The following ARSB variants were observed in gnomAD, a reference collection of about 807,000 sequenced individuals.
ARSB encodes the protein N-acetylgalactosamine-4-sulfatase.
Under a neutral mutation model 50.9 loss-of-function variants are expected in ARSB, and 41 were observed. The ratio of observed to expected loss-of-function variants is 0.81; its 90% confidence interval spans 0.63 to 1.04. ARSB has a LOEUF of 1.04. Among genes scored for constraint, ARSB ranks in the 50% least tolerant of loss-of-function variants. The pLI is 0.00. For missense variants in ARSB, 672 were observed against 693.3 expected (o/e 0.97, Z 0.35); for synonymous variants, 269 against 284.8 (o/e 0.94, Z 0.56).
chr5:78,975,009 G>C lies in ARSB; in HGVS notation c.313-5817C>G, dbSNP rs1036663976. On this transcript the variant is annotated intron_variant, in intron 1 of 7. Coordinates refer to ENST00000264914, the MANE Select transcript of ARSB (RefSeq NM_000046.5). ...TGGTCTCAAGGCTACATGGTCCTCT[G>C]ACAGCTCCCTCCTCCTGTGCCTTTG... is the stretch of plus-strand genomic sequence containing the variant. Among the ~76,000 whole-genome samples, 6 of 152,354 alleles carry C rather than the reference G, an allele frequency of 3.9e-5. No individual in the cohort carries two copies. The East Asian group carries it at 9.6e-4, about 24-fold the overall frequency.
chr5:78,858,025 C>CT (rs989265855), intron 5 of ARSB, among the ~76,000 whole-genome samples: 25 of 152,132 alleles, frequency 1.6e-4, no homozygotes, highest in African/African-American at 5.8e-4. Flanking sequence ...GGTTAAGTGA[C>CT]TTACACAATC....
intron 1 of ARSB, among the ~76,000 whole-genome samples, chr5:78,976,171 G>A (rs1464376757): frequency 6.6e-6 from 1 of 151,928 alleles, no homozygotes; most frequent in Non-Finnish European, 1.5e-5. Flanking sequence ...GAAGGAGGGT[G>A]GGGAGACAGG....
chr5:78,781,354 G>A (rs1421850278), intron 7 of ARSB, among the ~76,000 whole-genome samples: 3 of 59,336 alleles, frequency 5.1e-5, no homozygotes, highest in Non-Finnish European at 8.3e-5. Context: ...TTTTTGGTTA[G>A]GACGAGTAGG....
Position 78,780,040 on chromosome 5 carries a change from C to T in ARSB, c.*357G>A, listed in dbSNP as rs981897789. 9 of 308,124 alleles carry T rather than the reference C, an allele frequency of 2.9e-5. No individual in the cohort carries two copies. The highest frequency in any genetic ancestry group is 4.4e-5 in the Non-Finnish European group (7 of 159,592). The allele number at this position is 308,124 out of a possible 1,614,324, so 19.1% of individuals were successfully genotyped here. On this transcript the variant is annotated 3_prime_UTR_variant, in exon 8 of 8. Transcript: ENST00000264914. ...TCACTCCAATAAAACTGGCTATTGG[C>T]AGAGGGGAATCGAACGTCTGACTTG...
chr5:78,851,741 C>T (rs1745799814), intron 5 of ARSB, among the ~76,000 whole-genome samples: 1 of 152,196 alleles, frequency 6.6e-6, no homozygotes, highest in Non-Finnish European at 1.5e-5. Flanking sequence ...CATCTGGGTG[C>T]TCCTGTATTG....
intron 4 of ARSB, among the ~76,000 whole-genome samples, chr5:78,938,455 C>T (rs77568003): frequency 0.048 from 7,377 of 152,216 alleles, 264 homozygotes; most frequent in East Asian, 0.14. Flanking sequence ...ATGATAGACG[C>T]GCCAAATAAA....
rs1412644966 is a variant in ARSB at position 78,945,317 on chromosome 5, T to A, written c.898+9978A>T. 2.0e-5 allele frequency among the ~76,000 whole-genome samples: 3 copies of A among 152,170 alleles called. No homozygotes were observed. The East Asian group carries it at 5.8e-4, about 29-fold the overall frequency. Reference sequence around the variant, plus strand: ...CACTGTCCAACAATCCCCAGTGAGATGAACCCAGTACCTCAGTTGGAAATG... The same window carrying A: ...CACTGTCCAACAATCCCCAGTGAGAAGAACCCAGTACCTCAGTTGGAAATG... On this transcript the variant is annotated intron_variant, in intron 4 of 7. Transcript: ENST00000264914.
At chr5:78,837,885 C>G (rs988855775) in intron 6 of ARSB, among the ~76,000 whole-genome samples, 4 of 152,190 alleles carry the variant, frequency 2.6e-5, no homozygotes, top group Admixed American at 6.5e-5. Flanking sequence ...CCTTGCCTCT[C>G]TCACTGACAT....
chr5:78,786,428 T>C (rs1191886591), intron 6 of ARSB, among the ~76,000 whole-genome samples: 2 of 152,238 alleles, frequency 1.3e-5, no homozygotes, highest in Non-Finnish European at 2.9e-5. Flanking sequence ...CACTTCTTTG[T>C]TTATACTTTT....
At chr5:78,971,949 T>C (rs969377010) in intron 1 of ARSB, among the ~76,000 whole-genome samples, 1 of 152,258 alleles carries the variant, frequency 6.6e-6, no homozygotes, top group African/African-American at 2.4e-5. Context: ...GAGATTGTTA[T>C]GCCTCTCCTA....
At chr5:78,948,396 C>T (rs975082561) in intron 4 of ARSB, among the ~76,000 whole-genome samples, 2 of 152,058 alleles carry the variant, frequency 1.3e-5, no homozygotes, top group Non-Finnish European at 2.9e-5. Flanking sequence ...ATCAAAATAT[C>T]TCATGTACTC....
chr5:78,980,725 A>AGTGTGTGTGTGTGTGTGTGTGT (rs1315709564), intron 1 of ARSB, among the ~76,000 whole-genome samples: 28 of 91,984 alleles, frequency 3.0e-4, no homozygotes, highest in African/African-American at 8.1e-4. Context: ...TGTCTAAGGA[A>AGTGTGTGTGTGTGTGTGTGTGT]GTGTGTGTAT....
intron 4 of ARSB, among the ~76,000 whole-genome samples, chr5:78,910,323 A>G (rs1749252331): frequency 6.6e-6 from 1 of 152,188 alleles, no homozygotes; most frequent in Non-Finnish European, 1.5e-5. Flanking sequence ...GTCCCACCCG[A>G]TGAGAAATAC....
rs577053199 is a variant in ARSB at position 78,797,041 on chromosome 5, C to T, written c.1214-15067G>A. 2.4e-4 allele frequency among the ~76,000 whole-genome samples: 36 copies of T among 152,102 alleles called. 1 individual carries two copies. The highest frequency in any genetic ancestry group is 5.1e-4 in the Non-Finnish European group (35 of 67,980). ...TACAGGCGCCCGCCACTATGCCTGG[C>T]TAATTTTTTGTATTTTTTAGTAGAG... On this transcript the variant is annotated intron_variant, in intron 6 of 7. Coordinates refer to ENST00000264914, the MANE Select transcript of ARSB (RefSeq NM_000046.5).
rs141294748 is a variant in ARSB at position 78,860,195 on chromosome 5, G to A, written c.1143-20769C>T. Among the ~76,000 whole-genome samples, 181 of 152,162 alleles carry A rather than the reference G, an allele frequency of 1.2e-3. 2 individuals carry two copies. The highest frequency in any genetic ancestry group is 4.1e-3 in the African/African-American group (169 of 41,528). Reference sequence around the variant, plus strand: ...GATATCTTTGTTAACTTTCTGTCTCGTTGATCTGTCTAATGTTGACAGTGG... The same window carrying A: ...GATATCTTTGTTAACTTTCTGTCTCATTGATCTGTCTAATGTTGACAGTGG... On this transcript the variant is annotated intron_variant, in intron 5 of 7. Coordinates refer to ENST00000264914, the MANE Select transcript of ARSB (RefSeq NM_000046.5).
In ARSB at chr5:78,780,612, G is replaced by A; in HGVS notation, c.1387C>T (p.Pro463Ser). The change falls in exon 8 of 8, where the codon CCC becomes TCC. Residue 463 changes from proline to serine, a missense_variant. Transcript: ENST00000264914. ...PPSQYNVSEIPSSDPPTKTLW... is the reference protein window; with the variant it reads ...PPSQYNVSEISSSDPPTKTLW... Reference sequence around the variant, plus strand: ...GTCTTGGTTGGTGGGTCTGATGAGGGTATCTCAGAAACATTGTATTGAGAC... The same window carrying A: ...GTCTTGGTTGGTGGGTCTGATGAGGATATCTCAGAAACATTGTATTGAGAC... 1 of 1,614,116 alleles carries A rather than the reference G, an allele frequency of 6.2e-7. No individual in the cohort carries two copies.
In ARSB at chr5:78,917,499, T is replaced by A. The variant is rs535252949; in HGVS notation, c.899-31672A>T. ...AATCACTGGTTTTTTAAAATGCAAT[T>A]GTGTTTGTTTTATTTTATTTTATTT... On this transcript the variant is annotated intron_variant, in intron 4 of 7. Coordinates refer to ENST00000264914, the MANE Select transcript of ARSB (RefSeq NM_000046.5). Among the ~76,000 whole-genome samples the A allele has an allele frequency of 1.7e-4, 26 of 152,260 alleles. 1 individual carries two copies. The South Asian group carries it at 4.6e-3, about 27-fold the overall frequency.
At chr5:78,841,033 G>A (rs1745174810) in intron 5 of ARSB, among the ~76,000 whole-genome samples, 3 of 152,068 alleles carry the variant, frequency 2.0e-5, no homozygotes, top group South Asian at 2.1e-4. Context: ...AATGGCTCAC[G>A]CCTATAATCC....
chr5:78,816,634 G>T (rs1044610887), intron 6 of ARSB, among the ~76,000 whole-genome samples: 2 of 152,200 alleles, frequency 1.3e-5, no homozygotes, highest in Non-Finnish European at 2.9e-5. Flanking sequence ...CCTTTTAAAA[G>T]TAGGGAATTT....
Sources: allele counts gnomAD v4.1 joint callset (sites outside exome capture counted in the v4.1 genomes callset), GRCh38; gene constraint gnomAD v4.1.1; transcripts MANE v1.5; gene names NCBI Gene and HGNC (gene_info 2026-07-23, HGNC 2026-07-21).